ISYNA1: variants seen among roughly 807,000 people sequenced by gnomAD.
ISYNA1 encodes the protein MI-1-P synthase.
ISYNA1 carries 34 observed loss-of-function variants against 50.3 expected under a neutral mutation model. That is an observed-to-expected ratio of 0.68 (90% CI 0.51 to 0.90). The LOEUF (loss-of-function observed/expected upper bound fraction) is 0.90, where lower values mean the gene tolerates loss of function less well. ISYNA1 is among the 40% of genes least tolerant of loss of function. The pLI, the probability that ISYNA1 is intolerant of heterozygous loss-of-function variation, is 0.00. For missense variants in ISYNA1, 718 were observed against 784.8 expected, an observed-to-expected ratio of 0.91 and a Z score of 1.02; for synonymous variants, 396 against 349.9, an observed-to-expected ratio of 1.13 and a Z score of -1.47.
At position 18,435,312 on chromosome 19, in the gene ISYNA1, C is replaced by T. The variant is rs1973928882; in HGVS notation, c.1426G>A (p.Val476Ile). The T allele has an allele frequency of 1.2e-6, 2 of 1,608,378 alleles. No homozygotes were observed. Among genetic ancestry groups the T allele is most frequent in the Non-Finnish European group, 1.7e-6 (2 of 1,179,960 alleles). Residue 476 changes from valine to isoleucine, a missense_variant, in exon 10 of 11, where the codon GTC becomes ATC. By Grantham distance (29) the Val-to-Ile change is conservative. Around this residue, in one of 3 missense-constraint regions of ISYNA1, gnomAD observed 305 missense variants for 292.6 expected, o/e 1.04. Coordinates refer to ENST00000338128, the MANE Select transcript of ISYNA1 (RefSeq NM_016368.5). ...APLVPPGSPV[V>I]NALFRQRSCI... ...CTGCGCTGGCGGAAAAGCGCATTGA[C>T]CACCGGGCTGCCGGGCGGCACTAGT...
Position 18,435,490 on chromosome 19 carries a change from G to C in ISYNA1, c.1255-7C>G. On this transcript the variant is annotated splice_region_variant and splice_polypyrimidine_tract_variant and intron_variant, in intron 9 of 10. Transcript: ENST00000338128. Reference sequence around the variant, plus strand: ...GTGCGGCCAGCAGCGAGTCCTGCGGGGCGGGTGGGTCAGGAGATGGGGGCG... The same window carrying C: ...GTGCGGCCAGCAGCGAGTCCTGCGGCGCGGGTGGGTCAGGAGATGGGGGCG... 1 of 1,608,408 alleles carries C rather than the reference G, an allele frequency of 6.2e-7. No homozygotes were observed. The highest frequency in any genetic ancestry group is 1.3e-5 in the African/African-American group (1 of 75,022).
intron 7 of ISYNA1, 21 bp from the exon 8 acceptor site, chr19:18,435,942 C>T: frequency 6.2e-7 from 1 of 1,613,498 alleles, no homozygotes; most frequent in Non-Finnish European, 8.5e-7. Context: ...AAGGGAAGCC[C>T]CAGCAGCTGC....
chr19:18,437,507 T>C, intron 3 of ISYNA1, 92 bp downstream of exon 3: 4 of 244,710 alleles, frequency 1.6e-5, no homozygotes, highest in Admixed American at 1.0e-4. Context: ...GCCCCCCTGG[T>C]CCCGCAGAGC....
At position 18,437,926 on chromosome 19, in the gene ISYNA1, G is replaced by C; in HGVS notation, c.54C>G (p.Pro18=). The C allele has an allele frequency of 6.2e-7, 1 of 1,610,436 alleles. No homozygotes were observed. The highest frequency in any genetic ancestry group is 8.5e-7 in the Non-Finnish European group (1 of 1,179,232). ...FVESPDVVYG[P]EAIEAQYEYR... ...ACTCGTATTGCGCCTCGATGGCCTCGGGGCCGTAGACCACGTCCGGGCTCT... is the reference window on the plus strand; with the variant it reads ...ACTCGTATTGCGCCTCGATGGCCTCCGGGCCGTAGACCACGTCCGGGCTCT... Residue 18 remains proline (P), a synonymous_variant, in exon 2 of 11, where the codon CCC becomes CCG. Coordinates refer to ENST00000338128, the MANE Select transcript of ISYNA1 (RefSeq NM_016368.5).
At position 18,435,423 on chromosome 19, in the gene ISYNA1, G is replaced by T; in HGVS notation, c.1315C>A (p.Arg439Ser). Residue 439 changes from arginine to serine, a missense_variant, in exon 10 of 11, where the codon CGC becomes AGC. Coordinates refer to ENST00000338128, the MANE Select transcript of ISYNA1 (RefSeq NM_016368.5). ...TCCATGTCAGTGCAGAAGCTCACGC[G>T]CTGGCACAGCTCGGTCAGCAGCGCT... ...DLALLTELCQ[R>S]VSFCTDMDPE... is the part of the protein sequence containing the mutation. 6.2e-7 allele frequency: 1 copy of T among 1,610,576 alleles called. No individual in the cohort carries two copies.
At position 18,435,629 on chromosome 19, in the gene ISYNA1, C is replaced by T. The variant is rs778230100; in HGVS notation, c.1188G>A (p.Leu396=). The change falls in exon 9 of 11, where the codon CTG becomes CTA. Residue 396 remains leucine, a synonymous_variant. Transcript: ENST00000338128. ...VPYVGDSKRA[L]DEYTSELMLG... is the part of the protein sequence containing the mutation. ...GCATCAGCTCCGAGGTATACTCATC[C>T]AGCGCGCGCTTGCTGTCACCCACGT... 38 of 1,611,300 alleles carry T rather than the reference C, an allele frequency of 2.4e-5. No individual in the cohort carries two copies. The highest frequency in any genetic ancestry group is 2.3e-5 in the Non-Finnish European group (27 of 1,179,072).
chr19:18,436,617 CA>C, intron 5 of ISYNA1, 66 bp downstream of exon 5: 2 of 1,597,362 alleles, frequency 1.3e-6, no homozygotes. Context: ...CGGGGTGGGG[CA>C]AAAAGAGGGA....
chr19:18,436,437 C>T lies in ISYNA1; in HGVS notation c.652G>A (p.Ala218Thr), dbSNP rs1303812200. 1.2e-6 allele frequency: 2 copies of T among 1,609,382 alleles called. No individual in the cohort carries two copies. The highest frequency in any genetic ancestry group is 1.7e-6 in the Non-Finnish European group (2 of 1,179,876). ...RRDIRDFRSS[A>T]GLDKVIVLWT... ...AGCACTATGACTTTGTCCAGCCCCGCGCTAGACCGGAAGTCTCGGATGTCC... is the reference window on the plus strand; with the variant it reads ...AGCACTATGACTTTGTCCAGCCCCGTGCTAGACCGGAAGTCTCGGATGTCC... Residue 218 changes from alanine (A) to threonine (T), a missense_variant, in exon 6 of 11, where the codon GCG becomes ACG. By Grantham distance (58) the Ala-to-Thr change is moderately conservative. Around this residue, in one of 3 missense-constraint regions of ISYNA1, gnomAD observed 403 missense variants for 466.6 expected, o/e 0.86. Coordinates refer to ENST00000338128, the MANE Select transcript of ISYNA1 (RefSeq NM_016368.5).
Sources: allele counts gnomAD v4.1 joint callset, GRCh38; gene constraint gnomAD v4.1.1; regional missense constraint gnomAD v4.1.1; transcripts MANE v1.5; gene names NCBI Gene and HGNC (gene_info 2026-07-23, HGNC 2026-07-21).